PANX1: variants seen among roughly 807,000 people sequenced by gnomAD.
PANX1 encodes the protein pannexin 1, also known as pannexin-1.
Under a neutral mutation model 38.7 loss-of-function variants are expected in PANX1, and 30 were observed. The observed-to-expected ratio is 0.78, with a 90% CI of 0.58 to 1.05. The LOEUF is 1.05. PANX1 is among the 50% of genes least tolerant of loss of function. The probability of loss-of-function intolerance (pLI) is 0.00; values close to 1 mark genes in which losing one functional copy is unlikely to be tolerated. For synonymous variants in PANX1, 230 were observed against 212.2 expected, an observed-to-expected ratio of 1.08 and a Z score of -0.73; for missense variants, 551 against 517.2, an observed-to-expected ratio of 1.07 and a Z score of -0.63.
At chr11:94,148,114 C>CTTATAT (rs1565375759) in intron 1 of PANX1, among the ~76,000 whole-genome samples, 8 of 152,032 alleles carry the variant, frequency 5.3e-5, no homozygotes. Context: ...GCGGAGGGTA[C>CTTATAT]TTATATTTTC....
At chr11:94,149,053 G>A (rs1755843850) in intron 1 of PANX1, among the ~76,000 whole-genome samples, 1 of 152,128 alleles carries the variant, frequency 6.6e-6, no homozygotes, top group African/African-American at 2.4e-5. Flanking sequence ...AAAGTACACA[G>A]CAAGGGTTAG....
At chr11:94,148,082 A>T (rs1358180797) in intron 1 of PANX1, among the ~76,000 whole-genome samples, 2 of 152,352 alleles carry the variant, frequency 1.3e-5, no homozygotes, top group Non-Finnish European at 1.5e-5. Flanking sequence ...AAGTATTTCA[A>T]TTCCATTTTT....
At chr11:94,165,199 C>G (rs1401205235) in intron 2 of PANX1, among the ~76,000 whole-genome samples, 1 of 152,014 alleles carries the variant, frequency 6.6e-6, no homozygotes, top group African/African-American at 2.4e-5. Flanking sequence ...TAAGGACTTA[C>G]TACTGCAATT....
intron 2 of PANX1, among the ~76,000 whole-genome samples, chr11:94,157,563 C>G (rs368546539): frequency 6.6e-6 from 1 of 151,922 alleles, no homozygotes; most frequent in African/African-American, 2.4e-5. Flanking sequence ...TCATGTCCTT[C>G]GCCCACTTTT....
chr11:94,166,381 A>G (rs956304619), intron 2 of PANX1, among the ~76,000 whole-genome samples: 2 of 152,112 alleles, frequency 1.3e-5, no homozygotes, highest in African/African-American at 4.8e-5. Flanking sequence ...TTTGTCTGGG[A>G]AAGTCTTTAT....
At chr11:94,132,492 C>G (rs2134471046) in intron 1 of PANX1, among the ~76,000 whole-genome samples, 1 of 152,210 alleles carries the variant, frequency 6.6e-6, no homozygotes, top group East Asian at 1.9e-4. Context: ...GCTGCTGGAG[C>G]TTTAGTGGCA....
intron 1 of PANX1, among the ~76,000 whole-genome samples, chr11:94,142,473 A>G (rs1946774541): frequency 6.6e-6 from 1 of 152,176 alleles, no homozygotes; most frequent in African/African-American, 2.4e-5. Context: ...TGTGTGCTCC[A>G]GACACAGTGG....
intron 4 of PANX1, 120 bp downstream of exon 4, chr11:94,180,377 C>A: frequency 1.2e-6 from 1 of 869,532 alleles, no homozygotes; most frequent in Non-Finnish European, 1.7e-6. Flanking sequence ...GCATTAAAAA[C>A]CTTAATACCA....
At chr11:94,167,773 G>C (rs1947119798) in intron 2 of PANX1, among the ~76,000 whole-genome samples, 1 of 152,234 alleles carries the variant, frequency 6.6e-6, no homozygotes, top group African/African-American at 2.4e-5. Context: ...CCATATGCTG[G>C]AATGTATGTG....
At chr11:94,153,467 G>C (rs1009632362) in intron 1 of PANX1, 24 bp from the exon 2 acceptor site, 1 of 1,611,996 alleles carries the variant, frequency 6.2e-7, no homozygotes, top group South Asian at 1.1e-5. Flanking sequence ...GTTTTCATTG[G>C]AAACTATCTG....
intron 2 of PANX1, among the ~76,000 whole-genome samples, chr11:94,170,107 G>A (rs1195803719): frequency 6.6e-6 from 1 of 151,528 alleles, no homozygotes; most frequent in Non-Finnish European, 1.5e-5. Context: ...ATATAGCCCA[G>A]TGGCATTAAG....
Position 94,162,424 on chromosome 11 carries a change from G to A in PANX1, c.321+8794G>A, listed in dbSNP as rs546697622. Among the ~76,000 whole-genome samples the A allele has an allele frequency of 2.2e-4, 34 of 152,270 alleles. No homozygotes were observed. The Middle Eastern group carries it at 0.01, about 46-fold the overall frequency. ...TACTCAAGCCTCAGCAATGGTGGACGCCCCTCCCCCAGCCTCGCTGCCACC... is the reference window on the plus strand; with the variant it reads ...TACTCAAGCCTCAGCAATGGTGGACACCCCTCCCCCAGCCTCGCTGCCACC... On this transcript the variant is annotated intron_variant, in intron 2 of 4. Transcript: ENST00000227638.
intron 1 of PANX1, among the ~76,000 whole-genome samples, chr11:94,130,110 G>A (rs1328486988): frequency 1.3e-5 from 2 of 152,224 alleles, no homozygotes; most frequent in Non-Finnish European, 2.9e-5. Context: ...TAACAGTTGT[G>A]TGAGATTGGA....
chr11:94,160,324 A>T (rs968444122), intron 2 of PANX1, among the ~76,000 whole-genome samples: 2 of 152,030 alleles, frequency 1.3e-5, no homozygotes, highest in East Asian at 1.9e-4. Context: ...GTTGACAGTG[A>T]GGTGTTAAAG....
At chr11:94,132,224 C>T (rs1297643173) in intron 1 of PANX1, among the ~76,000 whole-genome samples, 2 of 152,148 alleles carry the variant, frequency 1.3e-5, no homozygotes, top group East Asian at 1.9e-4. Context: ...GTCAGACACA[C>T]GTAGGACATA....
chr11:94,158,743 C>T (rs1391324277), intron 2 of PANX1, among the ~76,000 whole-genome samples: 1 of 152,114 alleles, frequency 6.6e-6, no homozygotes, highest in Non-Finnish European at 1.5e-5. Flanking sequence ...CCTTTATTTC[C>T]CTCTCCTGCC....
chr11:94,153,830 A>G (rs1235588792), intron 2 of PANX1, among the ~76,000 whole-genome samples, 200 bp downstream of exon 2: 1 of 152,206 alleles, frequency 6.6e-6, no homozygotes, highest in African/African-American at 2.4e-5. Flanking sequence ...ACAATGGGGC[A>G]ATGGGAAGTG....
intron 1 of PANX1, among the ~76,000 whole-genome samples, chr11:94,136,740 C>T (rs1946697461): frequency 6.6e-6 from 1 of 152,034 alleles, no homozygotes; most frequent in Non-Finnish European, 1.5e-5. Flanking sequence ...TGCACTCCAG[C>T]CTGGGCGACA....
chr11:94,135,508 G>A (rs1247274858), intron 1 of PANX1, among the ~76,000 whole-genome samples: 1 of 152,142 alleles, frequency 6.6e-6, no homozygotes, highest in African/African-American at 2.4e-5. Context: ...AAAGCAGATC[G>A]ATTCTTTTCA....
Sources: gnomAD v4.1 joint callset for allele counts (sites outside exome capture counted in the v4.1 genomes callset) on GRCh38, gnomAD v4.1.1 for gene constraint, MANE v1.5 for transcripts, NCBI Gene and HGNC (gene_info 2026-07-23, HGNC 2026-07-21) for gene names.